LUZP2: variants seen among roughly 807,000 people sequenced by gnomAD.
The protein encoded by LUZP2 is leucine zipper protein 2.
A neutral mutation model predicts 51.6 loss-of-function variants in LUZP2; 52 were observed. That is an observed-to-expected ratio of 1.01 (90% CI 0.81 to 1.27). The LOEUF is 1.27. Among genes scored for constraint, LUZP2 ranks in the 50% most tolerant of loss-of-function variants. The pLI is 0.00. For synonymous variants in LUZP2, 154 were observed against 137.3 expected, an observed-to-expected ratio of 1.12 and a Z score of -0.85; for missense variants, 436 against 395.4, an observed-to-expected ratio of 1.10 and a Z score of -0.87.
chr11:24,912,670 T>C (rs1853672476), intron 6 of LUZP2, among the ~76,000 whole-genome samples: 1 of 151,950 alleles, frequency 6.6e-6, no homozygotes, highest in African/African-American at 2.4e-5. Flanking sequence ...ATTAGTCTGG[T>C]ATGCTGGTGT....
Position 24,587,530 on chromosome 11 carries a change from C to T in LUZP2, c.62+90225C>T, listed in dbSNP as rs550451007. 2.6e-5 allele frequency among the ~76,000 whole-genome samples: 4 copies of T among 152,186 alleles called. No homozygotes were observed. In the South Asian group the frequency reaches 8.3e-4, roughly 32 times the overall value. On this transcript the variant is annotated intron_variant, in intron 1 of 11. Coordinates refer to ENST00000336930, the MANE Select transcript of LUZP2 (RefSeq NM_001009909.4). ...GATCAGCCTATGCCATGGGCTTTTC[C>T]ACCTATAAATCCTAGCACTGGTGGT...
chr11:24,555,680 T>A (rs1851845826), intron 1 of LUZP2, among the ~76,000 whole-genome samples: 1 of 152,126 alleles, frequency 6.6e-6, no homozygotes, highest in African/African-American at 2.4e-5. Flanking sequence ...TTCTAAGAAA[T>A]AAATGTTATC....
intron 9 of LUZP2, among the ~76,000 whole-genome samples, chr11:25,044,291 A>G (rs1391172031): frequency 7.4e-6 from 1 of 134,604 alleles, no homozygotes; most frequent in Non-Finnish European, 1.6e-5. Flanking sequence ...ATATATATAT[A>G]GTCTGATGCC....
chr11:24,719,448 A>G (rs530218423), intron 1 of LUZP2, among the ~76,000 whole-genome samples: 57 of 152,348 alleles, frequency 3.7e-4, no homozygotes, highest in African/African-American at 1.2e-3. Context: ...TGCTGAAGTC[A>G]ACAGAAAAAA....
At chr11:24,837,406 C>T (rs1330968751) in intron 5 of LUZP2, among the ~76,000 whole-genome samples, 1 of 151,474 alleles carries the variant, frequency 6.6e-6, no homozygotes, top group African/African-American at 2.4e-5. Flanking sequence ...CACTGATCGT[C>T]TGAGCCCTCA....
intron 1 of LUZP2, among the ~76,000 whole-genome samples, chr11:24,677,565 A>T (rs1014087163): frequency 1.3e-5 from 2 of 152,076 alleles, no homozygotes; most frequent in African/African-American, 4.8e-5. Context: ...TCCTTATGTC[A>T]CTTTTCTGCA....
At chr11:24,638,905 A>G (rs903358817) in intron 1 of LUZP2, among the ~76,000 whole-genome samples, 12 of 151,682 alleles carry the variant, frequency 7.9e-5, no homozygotes, top group African/African-American at 2.7e-4. Flanking sequence ...TTTATGAAAG[A>G]TAATTTTCCC....
chr11:24,949,870 G>C (rs1411324894), intron 7 of LUZP2, among the ~76,000 whole-genome samples: 1 of 151,498 alleles, frequency 6.6e-6, no homozygotes, highest in Non-Finnish European at 1.5e-5. Context: ...TCTGACAAAG[G>C]AGAAATCAGC....
At chr11:24,643,871 C>A (rs1017108162) in intron 1 of LUZP2, among the ~76,000 whole-genome samples, 2 of 152,166 alleles carry the variant, frequency 1.3e-5, no homozygotes, top group African/African-American at 2.4e-5. Flanking sequence ...CATGACTATG[C>A]ATTTCATCCT....
rs182851370 is a variant in LUZP2 at position 24,693,433 on chromosome 11, T to C, written c.63-35736T>C. On this transcript the variant is annotated intron_variant, in intron 1 of 11. Transcript: ENST00000336930. ...AAGAATCAATATATGATTTAAGAGATTGAGTTACTGTTTTCCATATATTTT... is the reference window on the plus strand; with the variant it reads ...AAGAATCAATATATGATTTAAGAGACTGAGTTACTGTTTTCCATATATTTT... 6.6e-4 allele frequency among the ~76,000 whole-genome samples: 100 copies of C among 151,752 alleles called. 2 individuals carry two copies. In the South Asian group the frequency reaches 0.013, roughly 20 times the overall value.
At chr11:25,018,491 T>C (rs1437006474) in intron 9 of LUZP2, among the ~76,000 whole-genome samples, 1 of 152,194 alleles carries the variant, frequency 6.6e-6, no homozygotes, top group African/African-American at 2.4e-5. Context: ...CATTTATTTA[T>C]TCAATCATTT....
chr11:24,997,688 C>A (rs1478771887), intron 9 of LUZP2, among the ~76,000 whole-genome samples: 3 of 151,854 alleles, frequency 2.0e-5, no homozygotes, highest in Non-Finnish European at 4.4e-5. Flanking sequence ...ACATGAAGTC[C>A]TTGCCCATGC....
intron 5 of LUZP2, among the ~76,000 whole-genome samples, chr11:24,798,691 A>G (rs758881947): frequency 7.9e-5 from 12 of 152,068 alleles, no homozygotes; most frequent in Non-Finnish European, 1.3e-4. Flanking sequence ...AGGACTGTCT[A>G]TCTTGCATGC....
At chr11:24,601,957 T>C (rs1288946695) in intron 1 of LUZP2, among the ~76,000 whole-genome samples, 1 of 134,748 alleles carries the variant, frequency 7.4e-6, no homozygotes, top group Non-Finnish European at 1.6e-5. Flanking sequence ...TATAAATGTA[T>C]ATATGTATAT....
intron 9 of LUZP2, among the ~76,000 whole-genome samples, chr11:25,035,139 T>G (rs1418545378): frequency 1.3e-5 from 2 of 152,008 alleles, no homozygotes; most frequent in Non-Finnish European, 2.9e-5. Flanking sequence ...GCAAGGATGC[T>G]CATTCTCACC....
intron 7 of LUZP2, among the ~76,000 whole-genome samples, chr11:24,922,825 CTTTTTTTTTTTCTTTTTTTTTTTTT>C (rs1166763183): frequency 4.5e-5 from 2 of 44,622 alleles, no homozygotes; most frequent in Non-Finnish European, 1.3e-4. Context: ...ACAGTTATAT[CTTTTTTTTTTTCTTTTTTTTTTTTT>C]TTTTTTTTTT....
chr11:24,541,176 C>T (rs1456134502), intron 1 of LUZP2, among the ~76,000 whole-genome samples: 1 of 150,846 alleles, frequency 6.6e-6, no homozygotes, highest in East Asian at 2.0e-4. Context: ...TTGCTTGAAC[C>T]CGGGAGACAG....
intron 9 of LUZP2, among the ~76,000 whole-genome samples, chr11:25,030,501 C>A (rs1053920174): frequency 6.6e-6 from 1 of 151,884 alleles, no homozygotes; most frequent in Non-Finnish European, 1.5e-5. Flanking sequence ...ATTGACAATT[C>A]TTTTTCCAAA....
chr11:24,954,858 C>A (rs1474845879), intron 7 of LUZP2, among the ~76,000 whole-genome samples: 1 of 151,982 alleles, frequency 6.6e-6, no homozygotes, highest in Non-Finnish European at 1.5e-5. Flanking sequence ...ATTCGTAGTG[C>A]AAAATGAATT....
Sources: allele counts gnomAD v4.1 joint callset (sites outside exome capture counted in the v4.1 genomes callset), GRCh38; gene constraint gnomAD v4.1.1; transcripts MANE v1.5; gene names NCBI Gene and HGNC (gene_info 2026-07-23, HGNC 2026-07-21).